Variants in FAT1 observed in about 807,000 individuals in gnomAD.
The protein encoded by FAT1 is FAT atypical cadherin 1.
FAT1 carries 171 observed loss-of-function variants against 329.8 expected under a neutral mutation model. The ratio of observed to expected loss-of-function variants is 0.52; its 90% CI spans 0.46 to 0.59. FAT1 has a LOEUF of 0.59. Among genes scored for constraint, FAT1 ranks in the 20% least tolerant of loss-of-function variants. FAT1 has a pLI of 0.00. For synonymous variants in FAT1, 2,233 were observed against 2,228.6 expected, an observed-to-expected ratio of 1.00 and a Z score of -0.06; for missense variants, 5,672 against 5,774.4, an observed-to-expected ratio of 0.98 and a Z score of 0.57.
At position 186,707,528 on chromosome 4, in the gene FAT1, A is replaced by G. The variant is rs375860085; in HGVS notation, c.2300T>C (p.Ile767Thr). Reference protein sequence around the residue: ...SGGNEDSCFMIDMETGMLKIL... With the variant: ...SGGNEDSCFMTDMETGMLKIL... ...TTTCAGCATTCCTGTTTCCATATCA[A>G]TCATGAAGCAACTATCCTCATTTCC... The change falls in exon 2 of 27, where the codon ATT (isoleucine) becomes ACT (threonine). Residue 767 changes from isoleucine to threonine, a missense_variant. Around this residue, in one of 2 missense-constraint regions of FAT1, gnomAD observed 3,966 missense variants for 3,915.2 expected, o/e 1.01. Coordinates refer to ENST00000441802, the MANE Select transcript of FAT1 (RefSeq NM_005245.4). The G allele has an allele frequency of 1.2e-6, 2 of 1,613,910 alleles. No individual in the cohort carries two copies. Among genetic ancestry groups the G allele is most frequent in the South Asian group, 1.1e-5 (1 of 91,086 alleles).
At chr4:186,660,867 T>C (rs919490626) in intron 3 of FAT1, among the ~76,000 whole-genome samples, 5 of 152,216 alleles carry the variant, frequency 3.3e-5, no homozygotes, top group Non-Finnish European at 5.9e-5. Context: ...CTAAGCTATA[T>C]AATCTCCTCA....
Position 186,707,072 on chromosome 4 carries a change from T to C in FAT1, c.2756A>G (p.Asp919Gly), listed in dbSNP as rs2126685329. 1 of 1,614,004 alleles carries C rather than the reference T, an allele frequency of 6.2e-7. No homozygotes were observed. The highest frequency in any genetic ancestry group is 1.1e-5 in the South Asian group (1 of 91,076). Reference sequence around the variant, plus strand: ...AAATGTAGGTGGGTTGTCATTAACATCTTCTAGTGATACTTTCACAACGAC... The same window carrying C: ...AAATGTAGGTGGGTTGTCATTAACACCTTCTAGTGATACTTTCACAACGAC... The part of the protein sequence containing the change: ...STVVVKVSLE[D>G]VNDNPPTFIP... Residue 919 changes from aspartate (D) to glycine (G), a missense_variant, in exon 2 of 27, where the codon GAT (aspartate) becomes GGT (glycine). By Grantham distance (94) the Asp-to-Gly change is moderately conservative (BLOSUM62 -1). Transcript: ENST00000441802.
chr4:186,605,979 G>A lies in FAT1; in HGVS notation c.10350+91C>T, dbSNP rs1407191728. ...TCTACGTTTCCCATTTTTCTAGAAA[G>A]AAACCTTTGGATAAGAAAGAAAAGC... is the stretch of plus-strand genomic sequence containing the variant. On this transcript the variant is annotated intron_variant, in intron 17 of 26. Transcript: ENST00000441802. 4 of 1,238,354 alleles carry A rather than the reference G, an allele frequency of 3.2e-6. No individual in the cohort carries two copies. The Admixed American group carries it at 9.1e-5, about 28-fold the overall frequency. 76.7% of individuals were successfully genotyped at this position (1,238,354 alleles called of 1,614,324 possible). A position where few individuals can be genotyped will look rare whatever the true frequency, so the allele number is the denominator to read the frequency against.
At chr4:186,663,165 T>A (rs1742261508) in intron 3 of FAT1, 134 bp downstream of exon 3, 2 of 797,754 alleles carry the variant, frequency 2.5e-6, no homozygotes, top group Admixed American at 5.7e-5. Flanking sequence ...AATAAAGGCT[T>A]ATTTTGAATA....
chr4:186,603,494 T>C lies in FAT1; in HGVS notation c.11032A>G (p.Ile3678Val). 3 of 1,614,006 alleles carry C rather than the reference T, an allele frequency of 1.9e-6. No homozygotes were observed. The highest frequency in any genetic ancestry group is 2.5e-6 in the Non-Finnish European group (3 of 1,179,896). Residue 3678 changes from isoleucine (I) to valine (V), a missense_variant, in exon 19 of 27, where the codon ATA (isoleucine) becomes GTA (valine). Around this residue, in one of 2 missense-constraint regions of FAT1, gnomAD observed 1,706 missense variants for 1,859.1 expected, o/e 0.92. Transcript: ENST00000441802. ...RNILGVRRND[I>V]QIVSLQSSEP... ...GAGGACTGCAAACTAACAATCTGTA[T>C]GTCGTTCCTCCTCACACCCAGGATG...
intron 3 of FAT1, among the ~76,000 whole-genome samples, chr4:186,642,982 A>G (rs1299700574): frequency 6.6e-6 from 1 of 152,234 alleles, no homozygotes; most frequent in East Asian, 1.9e-4. Context: ...GAGAAGTATT[A>G]CTTTTACGAA....
chr4:186,687,961 T>A (rs1027092602), intron 2 of FAT1, among the ~76,000 whole-genome samples: 1 of 152,128 alleles, frequency 6.6e-6, no homozygotes, highest in Non-Finnish European at 1.5e-5. Context: ...TTCTAGGTAG[T>A]AAAATTTTAG....
At position 186,621,578 on chromosome 4, in the gene FAT1, T is replaced by C. The variant is rs1458110978; in HGVS notation, c.5008A>G (p.Lys1670Glu). The C allele has an allele frequency of 4.3e-6, 7 of 1,614,032 alleles. No individual in the cohort carries two copies. The highest frequency in any genetic ancestry group is 5.9e-6 in the Non-Finnish European group (7 of 1,179,890). ...TCACTAAGTTCAACAGAATATTCTT[T>C]TGATGTAAACTTCGGAGAGGCGTTG... ...ADNASPKFTSKEYSVELSETV... is the reference protein window; with the variant it reads ...ADNASPKFTSEEYSVELSETV... Residue 1670 changes from lysine (K) to glutamate (E), a missense_variant, in exon 10 of 27, where the codon AAA becomes GAA. Transcript: ENST00000441802.
intron 2 of FAT1, among the ~76,000 whole-genome samples, chr4:186,682,900 C>T (rs757102238): frequency 3.3e-5 from 5 of 152,182 alleles, no homozygotes; most frequent in Admixed American, 6.5e-5. Flanking sequence ...GGACAGTCAG[C>T]AGCAGGAAAA....
intron 15 of FAT1, 93 bp from the exon 16 acceptor site, chr4:186,609,413 T>C: frequency 7.0e-7 from 1 of 1,435,636 alleles, no homozygotes; most frequent in East Asian, 2.4e-5. Flanking sequence ...TAGCTGTTTC[T>C]TTTTGTTGTT....
In FAT1 at chr4:186,707,125, G is replaced by A. The variant is rs2126685801; in HGVS notation, c.2703C>T (p.Ala901=). 6.2e-7 allele frequency: 1 copy of A among 1,613,942 alleles called. No individual in the cohort carries two copies. The highest frequency in any genetic ancestry group is 8.5e-7 in the Non-Finnish European group (1 of 1,179,886). ...HSLKIEARDQ[A]REEPQLFSTV... is the part of the protein sequence containing the mutation. ...TGGAGAACAGCTGAGGCTCTTCTCTGGCTTGGTCCCTGGCCTCAATCTTTA... is the reference window on the plus strand; with the variant it reads ...TGGAGAACAGCTGAGGCTCTTCTCTAGCTTGGTCCCTGGCCTCAATCTTTA... Residue 901 remains alanine (A), a synonymous_variant, in exon 2 of 27, where the codon GCC becomes GCT. Coordinates refer to ENST00000441802, the MANE Select transcript of FAT1 (RefSeq NM_005245.4).
Position 186,618,619 on chromosome 4 carries a change from G to C in FAT1, c.7967C>G (p.Thr2656Ser), listed in dbSNP as rs758173222. The C allele has an allele frequency of 1.9e-6, 3 of 1,614,062 alleles. No homozygotes were observed. In the South Asian group the frequency reaches 3.3e-5, roughly 18 times the overall value. Residue 2656 changes from threonine to serine, a missense_variant, in exon 10 of 27, where the codon ACT (threonine) becomes AGT (serine). Physicochemically the swap from Thr to Ser is moderately conservative, Grantham distance 58. Coordinates refer to ENST00000441802, the MANE Select transcript of FAT1 (RefSeq NM_005245.4). ...LEINKLSGVI[T>S]TKESLIGLEN... Reference sequence around the variant, plus strand: ...CAAGCCAATGAGGCTCTCCTTTGTAGTGATTACGCCGGACAGTTTGTTAAT... The same window carrying C: ...CAAGCCAATGAGGCTCTCCTTTGTACTGATTACGCCGGACAGTTTGTTAAT...
chr4:186,599,773 C>G, intron 22 of FAT1, 125 bp downstream of exon 22: 1 of 750,724 alleles, frequency 1.3e-6, no homozygotes. Context: ...GCTTCCAACA[C>G]TGACTGCAGT....
chr4:186,723,868 G>A (rs959328777), upstream of FAT1: 14 of 148,534 alleles, frequency 9.4e-5, no homozygotes, highest in East Asian at 2.0e-4. Flanking sequence ...CCGAGCGCAG[G>A]AGATCCCTCC....
chr4:186,643,539 ATTAGGGCT>A (rs1038059585), intron 3 of FAT1, among the ~76,000 whole-genome samples: 5 of 152,106 alleles, frequency 3.3e-5, no homozygotes, highest in Non-Finnish European at 7.4e-5. Flanking sequence ...TTACAGTAAA[ATTAGGGCT>A]TCCTGTGGGA....
rs375792265 is a variant in FAT1, at chr4:186,613,224, T to C, written c.9348A>G (p.Glu3116=). The change falls in exon 13 of 27, where the codon GAA becomes GAG. Residue 3116 remains glutamate (E), a synonymous_variant. Coordinates refer to ENST00000441802, the MANE Select transcript of FAT1 (RefSeq NM_005245.4). ...ATTCGGGGGCGTTATCGTTCACATC[T>C]TCTAGCGTGAGCACAATACTGGCTT... ...FCQASIVLTL[E]DVNDNAPEFS... 87 of 1,613,712 alleles carry C rather than the reference T, an allele frequency of 5.4e-5. No homozygotes were observed. The South Asian group carries it at 7.5e-4, about 14-fold the overall frequency.
chr4:186,598,132 C>T lies in FAT1; in HGVS notation c.12104-7G>A, dbSNP rs369005392. The stretch of plus-strand genomic sequence containing the variant: ...CTGCATTTGCAGTAATAACCTAAAT[C>T]GGCAAAAAGGAACAAAAAAGTCCTA... On this transcript the variant is annotated splice_region_variant and splice_polypyrimidine_tract_variant and intron_variant, in intron 22 of 26. Coordinates refer to ENST00000441802, the MANE Select transcript of FAT1 (RefSeq NM_005245.4). 244 of 1,589,522 alleles carry T rather than the reference C, an allele frequency of 1.5e-4. 1 individual carries two copies. Among genetic ancestry groups the T allele is most frequent in the African/African-American group, 2.4e-4 (18 of 73,496 alleles).
chr4:186,604,670 T>A, intron 17 of FAT1, 96 bp from the exon 18 acceptor site: 1 of 766,668 alleles, frequency 1.3e-6, no homozygotes, highest in Non-Finnish European at 2.0e-6. Flanking sequence ...ATAAAATACA[T>A]ACAAAACAAA....
rs1473126992 is a variant in FAT1, at chr4:186,618,727, G to A, written c.7859C>T (p.Ala2620Val). Reference sequence around the variant, plus strand: ...ATTGGAGCCCTCATCGGCATCACTTGCAAGAACTTTAACGACTGAAGTCCC... The same window carrying A: ...ATTGGAGCCCTCATCGGCATCACTTACAAGAACTTTAACGACTGAAGTCCC... ...AKGTSVVKVL[A>V]SDADEGSNAD... The change falls in exon 10 of 27, where the codon GCA becomes GTA. Residue 2620 changes from alanine to valine, a missense_variant. Ala to Val is a moderately conservative substitution (Grantham distance 64). Transcript: ENST00000441802. 1.2e-6 allele frequency: 2 copies of A among 1,614,004 alleles called. No individual in the cohort carries two copies.
Sources: gnomAD v4.1 joint callset for allele counts (sites outside exome capture counted in the v4.1 genomes callset) on GRCh38, gnomAD v4.1.1 for gene constraint, gnomAD v4.1.1 regional missense constraint, MANE v1.5 for transcripts, NCBI Gene and HGNC (gene_info 2026-07-23, HGNC 2026-07-21) for gene names.